The following NCOA1 variants were observed in gnomAD, a reference collection of about 807,000 sequenced individuals.
NCOA1 encodes Hin-2 protein.
A neutral mutation model predicts 150.9 loss-of-function variants in NCOA1; 35 were observed. The ratio of observed to expected loss-of-function variants is 0.23; its 90% CI spans 0.18 to 0.31. NCOA1 has a LOEUF of 0.31. Among genes scored for constraint, NCOA1 ranks in the 10% least tolerant of loss-of-function variants. The pLI, the probability that NCOA1 is intolerant of heterozygous loss-of-function variation, is 1.00. For missense variants in NCOA1, 1,491 were observed against 1,749.3 expected, an observed-to-expected ratio of 0.85 and a Z score of 2.63; for synonymous variants, 590 against 630.0, an observed-to-expected ratio of 0.94 and a Z score of 0.95.
chr2:24,577,624 A>G (rs2148298987), intron 2 of NCOA1, among the ~76,000 whole-genome samples: 1 of 152,320 alleles, frequency 6.6e-6, no homozygotes, highest in Non-Finnish European at 1.5e-5. Context: ...TTTTTTATAG[A>G]TAAGCCGTGA....
intron 5 of NCOA1, among the ~76,000 whole-genome samples, chr2:24,663,541 A>G (rs1671279798): frequency 6.6e-6 from 1 of 152,224 alleles, no homozygotes; most frequent in African/African-American, 2.4e-5. Context: ...CACCTGAGAA[A>G]TTAACTCAGA....
chr2:24,576,149 G>GTTTTTTTTTGTTT lies in NCOA1; in HGVS notation c.-259-8318_-259-8317insGTTTTTTTTTTTT, dbSNP rs1666947727. Among the ~76,000 whole-genome samples, 72 of 94,002 alleles carry GTTTTTTTTTGTTT rather than the reference G, an allele frequency of 7.7e-4. 3 individuals carry two copies. Among genetic ancestry groups the GTTTTTTTTTGTTT allele is most frequent in the Non-Finnish European group, 1.2e-3 (59 of 48,856 alleles). 61.7% of individuals were successfully genotyped at this position (94,002 alleles called of 152,430 possible). ...GAGTTTCAGAAATTATTTGGCCTTT[G>GTTTTTTTTTGTTT]TTTTTTTTTTTTTGTTTTTTGTTTT... On this transcript the variant is annotated intron_variant, in intron 2 of 22. Transcript: ENST00000348332.
chr2:24,718,304 CCAAGTGATGG>C (rs772848785), intron 14 of NCOA1, among the ~76,000 whole-genome samples: 15 of 152,232 alleles, frequency 9.9e-5, no homozygotes, highest in African/African-American at 2.4e-4. Flanking sequence ...ACTGACCATA[CCAAGTGATGG>C]CAAGTGATGG....
At chr2:24,613,242 G>A (rs539800507) in intron 3 of NCOA1, among the ~76,000 whole-genome samples, 1 of 152,134 alleles carries the variant, frequency 6.6e-6, no homozygotes, top group East Asian at 1.9e-4. Flanking sequence ...AGTAGATGGC[G>A]CTTACGGGTA....
At chr2:24,494,855 A>G (rs945502806) in intron 1 of NCOA1, among the ~76,000 whole-genome samples, 3 of 152,138 alleles carry the variant, frequency 2.0e-5, no homozygotes, top group Admixed American at 6.5e-5. Context: ...ACTTTTTAAA[A>G]TTGCTTCTTT....
At chr2:24,751,886 G>A (rs1020389663) in intron 19 of NCOA1, 96 bp from the exon 20 acceptor site, 1 of 1,155,692 alleles carries the variant, frequency 8.7e-7, no homozygotes, top group Non-Finnish European at 1.2e-6. Context: ...AAAGTTATTT[G>A]TAAATATATT....
At chr2:24,625,180 T>C (rs1050970835) in intron 3 of NCOA1, among the ~76,000 whole-genome samples, 4 of 152,088 alleles carry the variant, frequency 2.6e-5, no homozygotes, top group African/African-American at 7.2e-5. Flanking sequence ...ATATTATGCT[T>C]CCTGTGTTTT....
At chr2:24,554,218 T>G (rs1665977030) in intron 1 of NCOA1, among the ~76,000 whole-genome samples, 1 of 152,200 alleles carries the variant, frequency 6.6e-6, no homozygotes, top group African/African-American at 2.4e-5. Context: ...TGTATTTAAT[T>G]TACTCCTTTT....
intron 1 of NCOA1, among the ~76,000 whole-genome samples, chr2:24,505,273 G>T (rs72803270): frequency 6.6e-6 from 1 of 150,672 alleles, no homozygotes; most frequent in Admixed American, 6.6e-5. Flanking sequence ...CGCAACCTCC[G>T]CCTCCTGGGT....
intron 1 of NCOA1, among the ~76,000 whole-genome samples, chr2:24,501,520 TTC>T (rs1663462334): frequency 6.6e-6 from 1 of 152,318 alleles, no homozygotes; most frequent in Middle Eastern, 3.4e-3. Context: ...TGCTATAATA[TTC>T]TTTTTAATTT....
chr2:24,611,847 G>A (rs1427361714), intron 3 of NCOA1, among the ~76,000 whole-genome samples: 3 of 152,106 alleles, frequency 2.0e-5, no homozygotes, highest in African/African-American at 7.2e-5. Flanking sequence ...GCAACAGATA[G>A]ATGAGTCTTT....
chr2:24,508,886 T>C (rs1007942614), intron 1 of NCOA1, among the ~76,000 whole-genome samples: 6 of 152,226 alleles, frequency 3.9e-5, no homozygotes, highest in African/African-American at 7.2e-5. Flanking sequence ...GGTATCACTA[T>C]TGGCTTTTGC....
intron 3 of NCOA1, among the ~76,000 whole-genome samples, chr2:24,630,329 G>C (rs1242509118): frequency 6.6e-6 from 1 of 152,188 alleles, no homozygotes; most frequent in Non-Finnish European, 1.5e-5. Context: ...AAGGGAATGT[G>C]GTTACCTGTA....
chr2:24,751,765 T>C (rs1009912004), intron 19 of NCOA1, among the ~76,000 whole-genome samples: 4 of 152,160 alleles, frequency 2.6e-5, no homozygotes, highest in African/African-American at 9.7e-5. Context: ...ATTTATTTCA[T>C]TGGTTTATGC....
At chr2:24,731,346 TAA>T (rs2148645781) in intron 17 of NCOA1, among the ~76,000 whole-genome samples, 2 of 152,248 alleles carry the variant, frequency 1.3e-5, no homozygotes, top group South Asian at 4.1e-4. Flanking sequence ...TCCTCATCTA[TAA>T]AAAGAGTCTA....
chr2:24,570,400 A>T (rs998206614), intron 2 of NCOA1, among the ~76,000 whole-genome samples: 1 of 152,228 alleles, frequency 6.6e-6, no homozygotes, highest in Admixed American at 6.5e-5. Flanking sequence ...ATCAGTAAGC[A>T]TTAACTGCAA....
intron 5 of NCOA1, among the ~76,000 whole-genome samples, chr2:24,663,853 G>C (rs1671294191): frequency 1.3e-5 from 2 of 152,082 alleles, no homozygotes; most frequent in Admixed American, 1.3e-4. Flanking sequence ...TGTCCTGCCT[G>C]TTCTATCACT....
At chr2:24,542,654 G>T (rs1665446164) in intron 1 of NCOA1, among the ~76,000 whole-genome samples, 1 of 152,200 alleles carries the variant, frequency 6.6e-6, no homozygotes, top group African/African-American at 2.4e-5. Flanking sequence ...TGTAGGTGAT[G>T]TTGGTCTCTC....
At chr2:24,532,032 A>G (rs1429466061) in intron 1 of NCOA1, among the ~76,000 whole-genome samples, 1 of 152,218 alleles carries the variant, frequency 6.6e-6, no homozygotes, top group Non-Finnish European at 1.5e-5. Context: ...GAATTGCTAC[A>G]CTGTTTTACA....
Sources: allele counts gnomAD v4.1 joint callset (sites outside exome capture counted in the v4.1 genomes callset), GRCh38; gene constraint gnomAD v4.1.1; transcripts MANE v1.5; gene names NCBI Gene and HGNC (gene_info 2026-07-23, HGNC 2026-07-21).